Variants in WDR27 observed in about 807,000 individuals in gnomAD.
WDR27 encodes the protein WD repeat domain 27.
WDR27 carries 100 observed loss-of-function variants against 114.4 expected under a neutral mutation model. The observed-to-expected ratio is 0.87, with a 90% CI of 0.74 to 1.03. The LOEUF (loss-of-function observed/expected upper bound fraction) is 1.03. Among genes scored for constraint, WDR27 ranks in the 50% least tolerant of loss-of-function variants. The probability of loss-of-function intolerance (pLI) is 0.00; values close to 1 mark genes in which losing one functional copy is unlikely to be tolerated. For synonymous variants in WDR27, 449 were observed against 423.1 expected (o/e 1.06, Z -0.75); for missense variants, 1,129 against 1,092.9 (o/e 1.03, Z -0.47).
intron 2 of WDR27, among the ~76,000 whole-genome samples, chr6:169,686,919 A>G (rs1275566165): frequency 6.6e-6 from 1 of 152,170 alleles, no homozygotes; most frequent in African/African-American, 2.4e-5. Flanking sequence ...GTTCTTACTC[A>G]TATGTGGAAA....
intron 22 of WDR27, among the ~76,000 whole-genome samples, chr6:169,611,690 T>C (rs1199783692): frequency 6.6e-6 from 1 of 152,206 alleles, no homozygotes; most frequent in African/African-American, 2.4e-5. Flanking sequence ...TTTTAAAACA[T>C]TTTTGTTAAA....
chr6:169,498,953 G>A (rs1288621547), intron 25 of WDR27, among the ~76,000 whole-genome samples: 5 of 152,232 alleles, frequency 3.3e-5, no homozygotes, highest in East Asian at 1.9e-4. Flanking sequence ...GCATACCTGC[G>A]CAGAACTGCA....
intron 21 of WDR27, among the ~76,000 whole-genome samples, chr6:169,621,135 A>G (rs1813032487): frequency 6.6e-6 from 1 of 152,204 alleles, no homozygotes; most frequent in Non-Finnish European, 1.5e-5. Flanking sequence ...TTTAATGAAT[A>G]CTATAATTAA....
chr6:169,639,392 T>C (rs1471281759), intron 17 of WDR27, among the ~76,000 whole-genome samples: 1 of 152,114 alleles, frequency 6.6e-6, no homozygotes, highest in Non-Finnish European at 1.5e-5. Flanking sequence ...TTTAGTATTA[T>C]GAACTACAGT....
At chr6:169,458,417 C>A (rs1361900189) in intron 25 of WDR27, among the ~76,000 whole-genome samples, 1 of 149,336 alleles carries the variant, frequency 6.7e-6, no homozygotes, top group East Asian at 2.0e-4. Flanking sequence ...ACTTCCAGGG[C>A]ATTGAAGGAG....
At chr6:169,600,794 C>A (rs1807822813) in intron 23 of WDR27, among the ~76,000 whole-genome samples, 1 of 152,168 alleles carries the variant, frequency 6.6e-6, no homozygotes, top group South Asian at 2.1e-4. Context: ...AACAAAGCCT[C>A]CAAGAAATAT....
intron 14 of WDR27, among the ~76,000 whole-genome samples, chr6:169,650,753 CCCA>C (rs978120843): frequency 3.3e-5 from 5 of 151,372 alleles, no homozygotes; most frequent in African/African-American, 7.3e-5. Flanking sequence ...TCCCTCCATC[CCCA>C]CCATCTATCC....
chr6:169,650,149 TCTCCATCC>T (rs1821941176), intron 14 of WDR27, among the ~76,000 whole-genome samples: 1 of 91,972 alleles, frequency 1.1e-5, no homozygotes, highest in African/African-American at 4.5e-5. Flanking sequence ...ACTCCGCCCC[TCTCCATCC>T]CTCCATCCAT....
chr6:169,628,636 C>G (rs958230932), intron 21 of WDR27, among the ~76,000 whole-genome samples: 4 of 152,314 alleles, frequency 2.6e-5, no homozygotes, highest in Middle Eastern at 3.4e-3. Flanking sequence ...CTTCTCTCAT[C>G]CTCCCAGGAC....
intron 25 of WDR27, among the ~76,000 whole-genome samples, chr6:169,513,955 A>G (rs1445492661): frequency 6.6e-6 from 1 of 152,190 alleles, no homozygotes; most frequent in Non-Finnish European, 1.5e-5. Flanking sequence ...ATGGCATTGC[A>G]CAGTGGGCTT....
At chr6:169,700,898 A>G (rs372590824) in intron 1 of WDR27, among the ~76,000 whole-genome samples, 63 of 152,366 alleles carry the variant, frequency 4.1e-4, no homozygotes, top group African/African-American at 1.5e-3. Context: ...AGGAATATCC[A>G]TGTACATACA....
chr6:169,587,323 A>G (rs1804854880), intron 23 of WDR27, among the ~76,000 whole-genome samples: 1 of 148,558 alleles, frequency 6.7e-6, no homozygotes, highest in Non-Finnish European at 1.5e-5. Context: ...GGCTCAAGCG[A>G]TTCTCCTGCC....
In WDR27 at chr6:169,636,417, G is replaced by A; in HGVS notation, c.1957C>T (p.Gln653Ter). 6.2e-7 allele frequency: 1 copy of A among 1,613,900 alleles called. No homozygotes were observed. Residue 653 changes from glutamine to a stop codon, truncating the protein, a stop_gained, in exon 19 of 26, where the codon CAG becomes TAG. Transcript: ENST00000448612. LOFTEE classifies it high-confidence loss of function. ...GTGTCAATGTGATACCTCAGTAGCTGAAATTCAGGGCCAGAAGATAACAAT... is the reference window on the plus strand; with the variant it reads ...GTGTCAATGTGATACCTCAGTAGCTAAAATTCAGGGCCAGAAGATAACAAT... ...FILLSSGPEF[Q>*]LLRYHIDTCK...
In WDR27 at chr6:169,659,450, C is replaced by T. The variant is rs1366469859; in HGVS notation, c.1197+1G>A. The stretch of plus-strand genomic sequence containing the variant: ...AGGGAGGGCCGCGTCTCAGGACTGA[C>T]CTTTTGATCCGCAGTGCGGTTCCTC... On this transcript the variant is annotated splice_donor_variant, in intron 11 of 25. Transcript: ENST00000448612. LOFTEE classifies it high-confidence loss of function. This position sits in a 1 kb window ranked among gnomAD's most constrained non-coding sequence, Gnocchi z 4.3. 6.2e-7 allele frequency: 1 copy of T among 1,607,492 alleles called. No homozygotes were observed. The highest frequency in any genetic ancestry group is 1.3e-5 in the African/African-American group (1 of 74,826).
chr6:169,659,044 T>A lies in WDR27; in HGVS notation c.1319+42A>T. 6.7e-7 allele frequency: 1 copy of A among 1,491,330 alleles called. No individual in the cohort carries two copies. The allele number at this position is 1,491,330 out of a possible 1,614,324, so 92.4% of individuals were successfully genotyped here. A position where few individuals can be genotyped will look rare whatever the true frequency, so the allele number is the denominator to read the frequency against. The stretch of plus-strand genomic sequence containing the variant: ...ACATAGAAATCCAGATGGCACTTAT[T>A]GGTGAACACACACACACACTCCACA... On this transcript the variant is annotated intron_variant, in intron 12 of 25. Transcript: ENST00000448612. The surrounding 1 kb of genome is among the most constrained non-coding windows in gnomAD (Gnocchi z 4.3).
At position 169,626,522 on chromosome 6, in the gene WDR27, C is replaced by T. The variant is rs201834446; in HGVS notation, c.2223+6425G>A. On this transcript the variant is annotated intron_variant, in intron 21 of 25. Transcript: ENST00000448612. ...CTCCTTCAAGGCTCAGCCCCAGGAC[C>T]ACCTCCTGGGGAACACCTTCCCTGA... 1.2e-4 allele frequency among the ~76,000 whole-genome samples: 19 copies of T among 152,296 alleles called. No individual in the cohort carries two copies. The East Asian group carries it at 3.7e-3, about 29-fold the overall frequency.
chr6:169,461,655 AAAC>A (rs1784919793), intron 25 of WDR27, among the ~76,000 whole-genome samples: 1 of 151,250 alleles, frequency 6.6e-6, no homozygotes, highest in African/African-American at 2.4e-5. Flanking sequence ...ATTAAAAAAA[AAAC>A]AAAACAAGAA....
chr6:169,656,429 T>C (rs1824208254), intron 13 of WDR27, among the ~76,000 whole-genome samples: 1 of 151,968 alleles, frequency 6.6e-6, no homozygotes, highest in African/African-American at 2.4e-5. Context: ...CACCTGGAGG[T>C]TTATCTGACT....
the WDR27 span, among the ~76,000 whole-genome samples, chr6:169,433,337 G>T: frequency 1.3e-5 from 2 of 152,096 alleles, no homozygotes; most frequent in Admixed American, 1.3e-4. Context: ...GAGAACATGC[G>T]GTGTTTGGTT....
Sources: gnomAD v4.1 joint callset for allele counts (sites outside exome capture counted in the v4.1 genomes callset) on GRCh38, gnomAD v4.1.1 for gene constraint, Gnocchi (gnomAD v3.1) non-coding constraint, MANE v1.5 for transcripts, NCBI Gene and HGNC (gene_info 2026-07-23, HGNC 2026-07-21) for gene names.